SHISA6: variants seen among roughly 807,000 people sequenced by gnomAD.
The protein encoded by SHISA6 is protein shisa-6.
Under a neutral mutation model 47.9 loss-of-function variants are expected in SHISA6, and 22 were observed. That is an observed-to-expected ratio of 0.46 (90% CI 0.33 to 0.66). The LOEUF is 0.66. SHISA6 is among the 30% of genes least tolerant of loss of function. The pLI is 0.02. For missense variants in SHISA6, 680 were observed against 764.6 expected, an observed-to-expected ratio of 0.89 and a Z score of 1.30; for synonymous variants, 388 against 337.8, an observed-to-expected ratio of 1.15 and a Z score of -1.63.
At chr17:11,521,575 G>A (rs2071629615) in intron 3 of SHISA6, among the ~76,000 whole-genome samples, 1 of 152,040 alleles carries the variant, frequency 6.6e-6, no homozygotes, top group Non-Finnish European at 1.5e-5. Flanking sequence ...CTTGAGATCA[G>A]GAGTTCGAGA....
At chr17:11,538,463 T>G (rs1032301593) in intron 3 of SHISA6, among the ~76,000 whole-genome samples, 8 of 152,048 alleles carry the variant, frequency 5.3e-5, no homozygotes. Context: ...CACCGAGGAA[T>G]AGGGGTTTTG....
At chr17:11,379,742 G>A (rs895758568) in intron 3 of SHISA6, 2 of 380,808 alleles carry the variant, frequency 5.3e-6, no homozygotes, top group African/African-American at 4.3e-5. Flanking sequence ...CTCCACCCAT[G>A]GCGGGGACAC....
Position 11,538,931 on chromosome 17 carries a change from T to C in SHISA6, c.896-12965T>C, listed in dbSNP as rs571297765. ...ATATCACCTCTTTGTTTTTTTGTTG[T>C]TGTTGTTTTTGTTTGTTTGTTTGTT... On this transcript the variant is annotated intron_variant, in intron 3 of 5. Transcript: ENST00000441885. 1.7e-4 allele frequency among the ~76,000 whole-genome samples: 26 copies of C among 152,090 alleles called. No homozygotes were observed. In the South Asian group the frequency reaches 5.4e-3, roughly 32 times the overall value.
intron 2 of SHISA6, among the ~76,000 whole-genome samples, chr17:11,326,785 G>T (rs1445816543): frequency 6.6e-6 from 1 of 152,204 alleles, no homozygotes; most frequent in Non-Finnish European, 1.5e-5. Context: ...TTAGGCTGAG[G>T]ATATAGGCAG....
intron 2 of SHISA6, among the ~76,000 whole-genome samples, chr17:11,266,810 G>A (rs763510255): frequency 3.3e-5 from 5 of 152,206 alleles, no homozygotes; most frequent in Non-Finnish European, 7.3e-5. Context: ...AAGGTCCCTG[G>A]ACTCAAGCCT....
intron 3 of SHISA6, among the ~76,000 whole-genome samples, chr17:11,489,950 T>C (rs1916434199): frequency 6.6e-6 from 1 of 152,200 alleles, no homozygotes; most frequent in Non-Finnish European, 1.5e-5. Flanking sequence ...AAATCCTGGC[T>C]TAGGAGCATT....
chr17:11,512,733 A>G (rs967800103), intron 3 of SHISA6, among the ~76,000 whole-genome samples: 5 of 152,130 alleles, frequency 3.3e-5, no homozygotes, highest in Non-Finnish European at 7.4e-5. Flanking sequence ...GTACATCCAA[A>G]CAATTAATAT....
intron 3 of SHISA6, among the ~76,000 whole-genome samples, chr17:11,404,120 C>A (rs1913867064): frequency 6.6e-6 from 1 of 152,224 alleles, no homozygotes; most frequent in South Asian, 2.1e-4. Flanking sequence ...TTAGGGAGAT[C>A]AAAGCCAGAG....
rs548973364 is a variant in SHISA6 at position 11,427,246 on chromosome 17, G to T, written c.895+47737G>T. Among the ~76,000 whole-genome samples the T allele has an allele frequency of 2.0e-5, 3 of 152,170 alleles. No homozygotes were observed. In the East Asian group the frequency reaches 5.8e-4, roughly 29 times the overall value. ...CCTCCCAGGTTCAAGCGATTCTCCT[G>T]CCTTAGCCTCCAGAGTAGCTGCAAC... is the stretch of plus-strand genomic sequence containing the variant. On this transcript the variant is annotated intron_variant, in intron 3 of 5. Coordinates refer to ENST00000441885, the MANE Select transcript of SHISA6 (RefSeq NM_207386.4).
chr17:11,313,439 C>T (rs913778791), intron 2 of SHISA6, among the ~76,000 whole-genome samples: 9 of 152,006 alleles, frequency 5.9e-5, no homozygotes, highest in Non-Finnish European at 1.2e-4. Context: ...GATAGAAAAG[C>T]GAACAAGATG....
At chr17:11,317,559 A>C (rs983504926) in intron 2 of SHISA6, among the ~76,000 whole-genome samples, 3 of 151,948 alleles carry the variant, frequency 2.0e-5, no homozygotes, top group Admixed American at 2.0e-4. Context: ...GGAATCCTTG[A>C]AAAATAATTG....
intron 3 of SHISA6, among the ~76,000 whole-genome samples, chr17:11,394,279 G>C (rs185697123): frequency 5.9e-4 from 90 of 152,232 alleles, no homozygotes; most frequent in African/African-American, 1.9e-3. Flanking sequence ...CCAGGTAAAT[G>C]TAGTATTAGA....
At chr17:11,507,227 G>A (rs2071506766) in intron 3 of SHISA6, among the ~76,000 whole-genome samples, 1 of 152,218 alleles carries the variant, frequency 6.6e-6, no homozygotes, top group African/African-American at 2.4e-5. Flanking sequence ...TAAATTTTCA[G>A]TATTATTGAA....
chr17:11,502,755 C>T (rs2071465867), intron 3 of SHISA6, among the ~76,000 whole-genome samples: 1 of 152,094 alleles, frequency 6.6e-6, no homozygotes, highest in South Asian at 2.1e-4. Context: ...TAAAAAATAT[C>T]CTGTTTGGCA....
At chr17:11,397,508 G>A (rs893684572) in intron 3 of SHISA6, among the ~76,000 whole-genome samples, 2 of 151,292 alleles carry the variant, frequency 1.3e-5, no homozygotes, top group Non-Finnish European at 2.9e-5. Context: ...CCAACAGATT[G>A]CTCAAGTAGG....
intron 2 of SHISA6, among the ~76,000 whole-genome samples, chr17:11,287,249 G>A (rs1192760525): frequency 6.7e-6 from 1 of 150,206 alleles, no homozygotes; most frequent in African/African-American, 2.5e-5. Context: ...AGGAAGGAAG[G>A]AGGGAGGGAA....
intron 2 of SHISA6, among the ~76,000 whole-genome samples, chr17:11,310,701 G>A (rs1910294763): frequency 6.6e-6 from 1 of 152,298 alleles, no homozygotes; most frequent in African/African-American, 2.4e-5. Context: ...TGGGCTGGGC[G>A]CGGTGGCTCA....
At chr17:11,242,788 C>T (rs1007691644) in intron 1 of SHISA6, among the ~76,000 whole-genome samples, 9 of 152,292 alleles carry the variant, frequency 5.9e-5, no homozygotes, top group African/African-American at 1.7e-4. Flanking sequence ...GGAGCTGCCT[C>T]CTACCAAAAC....
At chr17:11,420,118 C>A (rs1914410016) in intron 3 of SHISA6, among the ~76,000 whole-genome samples, 1 of 152,128 alleles carries the variant, frequency 6.6e-6, no homozygotes. Context: ...GCAGGAGAAT[C>A]ACTTGAACCC....
Sources: allele counts gnomAD v4.1 joint callset (sites outside exome capture counted in the v4.1 genomes callset), GRCh38; gene constraint gnomAD v4.1.1; transcripts MANE v1.5; gene names NCBI Gene and HGNC (gene_info 2026-07-23, HGNC 2026-07-21).